WWOX: variants seen among roughly 807,000 people sequenced by gnomAD.
WWOX encodes the protein WW domain-containing oxidoreductase.
A neutral mutation model predicts 46.2 loss-of-function variants in WWOX; 69 were observed. The ratio of observed to expected loss-of-function variants is 1.49; its 90% CI spans 1.23 to 1.82. WWOX has a LOEUF of 1.82. Ranked by LOEUF, WWOX falls within the 40% of genes most tolerant of loss-of-function variation. The pLI, the probability that WWOX is intolerant of heterozygous loss-of-function variation, is 0.00. For synonymous variants in WWOX, 359 were observed against 202.6 expected (o/e 1.77, Z -6.56); for missense variants, 919 against 542.6 (o/e 1.69, Z -6.89).
At chr16:78,671,250 C>G (rs1259300310) in intron 8 of WWOX, among the ~76,000 whole-genome samples, 1 of 152,024 alleles carries the variant, frequency 6.6e-6, no homozygotes, top group African/African-American at 2.4e-5. Flanking sequence ...AGGCGAGACC[C>G]CGTCTCTACA....
chr16:78,571,791 C>T (rs981325645), intron 8 of WWOX, among the ~76,000 whole-genome samples: 2 of 152,068 alleles, frequency 1.3e-5, no homozygotes, highest in Non-Finnish European at 2.9e-5. Context: ...TCGCTGGAAC[C>T]CGGGAGACAG....
intron 8 of WWOX, among the ~76,000 whole-genome samples, chr16:78,606,788 A>C (rs1307789429): frequency 6.7e-6 from 1 of 148,644 alleles, no homozygotes; most frequent in African/African-American, 2.5e-5. Flanking sequence ...GGCTGTTCTG[A>C]AAACAGGCAA....
At chr16:78,739,260 A>ACCC (rs1276177732) in intron 8 of WWOX, among the ~76,000 whole-genome samples, 1 of 152,136 alleles carries the variant, frequency 6.6e-6, no homozygotes, top group Non-Finnish European at 1.5e-5. Flanking sequence ...TTTGTGGTTC[A>ACCC]TGGAAGGGTG....
chr16:78,734,867 TTTTTTTTTTTTTTTTTG>T (rs2049049260), intron 8 of WWOX, among the ~76,000 whole-genome samples: 1 of 118,594 alleles, frequency 8.4e-6, no homozygotes, highest in Admixed American at 8.8e-5. Context: ...TTTTTTTTTT[TTTTTTTTTTTTTTTTTG>T]AGATAGGGTC....
At chr16:78,852,676 T>G (rs750576997) in intron 8 of WWOX, among the ~76,000 whole-genome samples, 1 of 152,178 alleles carries the variant, frequency 6.6e-6, no homozygotes, top group South Asian at 2.1e-4. Context: ...ATGCTTCATT[T>G]TGGAGTAATT....
intron 8 of WWOX, among the ~76,000 whole-genome samples, chr16:78,909,520 C>G (rs2045053967): frequency 6.6e-6 from 1 of 152,176 alleles, no homozygotes; most frequent in Admixed American, 6.5e-5. Context: ...CTCTAGGTCC[C>G]ACGTGCCTTC....
At chr16:78,615,746 T>A (rs2151636320) in intron 8 of WWOX, among the ~76,000 whole-genome samples, 1 of 151,756 alleles carries the variant, frequency 6.6e-6, no homozygotes, top group East Asian at 1.9e-4. Flanking sequence ...AGGAAATCAA[T>A]AGGATAATTT....
chr16:78,754,476 C>T (rs946861858), intron 8 of WWOX, among the ~76,000 whole-genome samples: 1 of 152,148 alleles, frequency 6.6e-6, no homozygotes, highest in Admixed American at 6.5e-5. Flanking sequence ...TTAGTACCTA[C>T]CGCTTTCTTT....
chr16:78,152,246 T>A (rs960096604), intron 4 of WWOX, among the ~76,000 whole-genome samples: 2 of 152,144 alleles, frequency 1.3e-5, no homozygotes, highest in African/African-American at 4.8e-5. Flanking sequence ...CTCCGTATCA[T>A]TTCTCCTCAT....
At chr16:78,383,962 A>G (rs974324226) in intron 5 of WWOX, among the ~76,000 whole-genome samples, 14 of 152,142 alleles carry the variant, frequency 9.2e-5, no homozygotes, top group Admixed American at 8.5e-4. Context: ...TCTGTGCTTT[A>G]TTTTGAAGGG....
chr16:78,999,665 GTGAT>G (rs1000414447), intron 8 of WWOX, among the ~76,000 whole-genome samples: 1 of 152,134 alleles, frequency 6.6e-6, no homozygotes, highest in Non-Finnish European at 1.5e-5. Context: ...ATGCACCAGA[GTGAT>G]TGGTGATAAA....
At chr16:78,178,992 A>G (rs768471809) in intron 5 of WWOX, among the ~76,000 whole-genome samples, 5 of 152,034 alleles carry the variant, frequency 3.3e-5, no homozygotes, top group Non-Finnish European at 5.9e-5. Flanking sequence ...ACCATTTTGT[A>G]TCATTGGAGG....
At chr16:78,916,086 G>T (rs567527026) in intron 8 of WWOX, among the ~76,000 whole-genome samples, 2 of 152,158 alleles carry the variant, frequency 1.3e-5, no homozygotes, top group Non-Finnish European at 2.9e-5. Context: ...TGTGTTTACA[G>T]AGGTGGTCAG....
At chr16:78,655,416 T>C (rs1295758210) in intron 8 of WWOX, among the ~76,000 whole-genome samples, 1 of 152,198 alleles carries the variant, frequency 6.6e-6, no homozygotes. Context: ...AGTAATTAGA[T>C]CCATAATGTT....
intron 8 of WWOX, among the ~76,000 whole-genome samples, chr16:78,784,280 C>G (rs16948468): frequency 0.042 from 6,315 of 152,136 alleles, 470 homozygotes; most frequent in African/African-American, 0.15. Context: ...CTCAAGTTCA[C>G]AGGCAGAAAA....
intron 5 of WWOX, among the ~76,000 whole-genome samples, chr16:78,323,670 A>T (rs1452162928): frequency 6.6e-6 from 1 of 152,202 alleles, no homozygotes; most frequent in East Asian, 1.9e-4. Context: ...AGAACAGGGA[A>T]GGGTGGATTC....
chr16:78,818,983 A>G (rs1360693112), intron 8 of WWOX, among the ~76,000 whole-genome samples: 1 of 152,190 alleles, frequency 6.6e-6, no homozygotes, highest in East Asian at 1.9e-4. Flanking sequence ...TAATCTCTCT[A>G]ATCCTCATTG....
chr16:78,889,629 T>G (rs557859583), intron 8 of WWOX, among the ~76,000 whole-genome samples: 1 of 152,256 alleles, frequency 6.6e-6, no homozygotes, highest in South Asian at 2.1e-4. Context: ...TGGAATAAGC[T>G]AGAAATTTGT....
At chr16:78,282,354 C>T (rs993631886) in intron 5 of WWOX, among the ~76,000 whole-genome samples, 4 of 152,128 alleles carry the variant, frequency 2.6e-5, no homozygotes, top group African/African-American at 9.7e-5. Context: ...GGGATCTTTT[C>T]GGGATGTGGC....
Sources: gnomAD v4.1 joint callset for allele counts (sites outside exome capture counted in the v4.1 genomes callset) on GRCh38, gnomAD v4.1.1 for gene constraint, MANE v1.5 for transcripts, NCBI Gene and HGNC (gene_info 2026-07-23, HGNC 2026-07-21) for gene names.